QRICH1: variants seen among roughly 807,000 people sequenced by gnomAD.
QRICH1 encodes the protein glutamine rich 1.
In QRICH1, 16 loss-of-function variants were observed where a neutral mutation model predicts 87.1. That is an observed-to-expected ratio of 0.18 (90% CI 0.12 to 0.28). QRICH1 has a LOEUF of 0.28. QRICH1 is among the 10% of genes least tolerant of loss of function. The pLI is 1.00. For missense variants in QRICH1, 647 were observed against 951.7 expected (o/e 0.68, Z 4.21); for synonymous variants, 367 against 368.4 (o/e 1.00, Z 0.05).
At chr3:49,048,090 G>A (rs181795111) in intron 3 of QRICH1, among the ~76,000 whole-genome samples, 2 of 151,090 alleles carry the variant, frequency 1.3e-5, no homozygotes, top group Admixed American at 1.3e-4. Context: ...TGCATATTCT[G>A]ATTGAAAAGG....
intron 3 of QRICH1, among the ~76,000 whole-genome samples, chr3:49,053,840 C>T (rs1344168888): frequency 6.6e-6 from 1 of 152,146 alleles, no homozygotes; most frequent in Non-Finnish European, 1.5e-5. Flanking sequence ...TGAAGGAACA[C>T]ATTTTGTCAC....
rs138905211 is a variant in QRICH1, at chr3:49,037,939, G to A, written c.1787-4711C>T. 5.2e-3 allele frequency among the ~76,000 whole-genome samples: 788 copies of A among 151,862 alleles called. 8 individuals carry two copies. The highest frequency in any genetic ancestry group is 0.018 in the African/African-American group (750 of 41,438). On this transcript the variant is annotated intron_variant, in intron 6 of 9. Coordinates refer to ENST00000395443, the MANE Select transcript of QRICH1 (RefSeq NM_198880.3). Reference sequence around the variant, plus strand: ...TGCAGTGAGCCGAGATCAAGCCTCCGTCTCAAGAAAAAACAAAAACAAAAA... The same window carrying A: ...TGCAGTGAGCCGAGATCAAGCCTCCATCTCAAGAAAAAACAAAAACAAAAA...
At chr3:49,054,811 A>G (rs1003774749) in intron 3 of QRICH1, among the ~76,000 whole-genome samples, 3 of 152,060 alleles carry the variant, frequency 2.0e-5, no homozygotes, top group Non-Finnish European at 2.9e-5. Flanking sequence ...CTGAGGCGGG[A>G]GGATTTTATG....
rs543768703 is a variant in QRICH1 at position 49,035,659 on chromosome 3, A to C, written c.1787-2431T>G. ...CAATACAAAAACCTTAAAAAAAAAA[A>C]CAAAAAAAAACAGCTGAGTGCAATG... On this transcript the variant is annotated intron_variant, in intron 6 of 9. Transcript: ENST00000395443. Among the ~76,000 whole-genome samples, 8 of 151,658 alleles carry C rather than the reference A, an allele frequency of 5.3e-5. No individual in the cohort carries two copies. In the South Asian group the frequency reaches 8.4e-4, roughly 16 times the overall value.
At chr3:49,030,932 T>A (rs1451654892) in intron 9 of QRICH1, among the ~76,000 whole-genome samples, 1 of 151,420 alleles carries the variant, frequency 6.6e-6, no homozygotes, top group Non-Finnish European at 1.5e-5. Flanking sequence ...TGTGAGTCTA[T>A]CCTTATCCTA....
chr3:49,048,901 AT>A (rs1408760377), intron 3 of QRICH1, among the ~76,000 whole-genome samples: 130 of 140,052 alleles, frequency 9.3e-4, no homozygotes, highest in African/African-American at 9.3e-4. Context: ...TTCCCATGTG[AT>A]TTTTTTTTTT....
chr3:49,093,865 T>A, intron 1 of QRICH1, 47 bp downstream of exon 1: 1 of 178,406 alleles, frequency 5.6e-6, no homozygotes, highest in Admixed American at 6.6e-5. Context: ...GCCCCCCGTC[T>A]CAGGCCTACA....
intron 1 of QRICH1, among the ~76,000 whole-genome samples, chr3:49,082,615 G>A (rs1030200334): frequency 8.6e-5 from 13 of 151,954 alleles, no homozygotes; most frequent in Admixed American, 2.6e-4. Flanking sequence ...GAAAAAAAAA[G>A]CCGGGCACGG....
Position 49,030,186 on chromosome 3 carries a change from CA to C in QRICH1, c.*265del. On this transcript the variant is annotated 3_prime_UTR_variant, in exon 10 of 10. Coordinates refer to ENST00000395443, the MANE Select transcript of QRICH1 (RefSeq NM_198880.3). ...CCAAGCCCTTTCCCCAGGCCCCAGACAAAAAAGAGTCAGCCAGCAACTTTCT... is the reference window on the plus strand; with the variant it reads ...CCAAGCCCTTTCCCCAGGCCCCAGACAAAAAGAGTCAGCCAGCAACTTTCT... 2 of 509,036 alleles carry C rather than the reference CA, an allele frequency of 3.9e-6. No individual in the cohort carries two copies. The highest frequency in any genetic ancestry group is 3.0e-5 in the South Asian group (1 of 33,294). 31.5% of individuals were successfully genotyped at this position (509,036 alleles called of 1,614,324 possible). A position where few individuals can be genotyped will look rare whatever the true frequency, so the allele number is the denominator to read the frequency against.
At position 49,044,376 on chromosome 3, in the gene QRICH1, A is replaced by G; in HGVS notation, c.1786+14T>C. On this transcript the variant is annotated intron_variant, in intron 6 of 9. Transcript: ENST00000395443. Reference sequence around the variant, plus strand: ...CAGGTAGGAAAGATATCCAAGGACAAGGGAGACTCTTACCAAGTGGAGTGA... The same window carrying G: ...CAGGTAGGAAAGATATCCAAGGACAGGGGAGACTCTTACCAAGTGGAGTGA... 6.4e-7 allele frequency: 1 copy of G among 1,568,424 alleles called. No individual in the cohort carries two copies. Among genetic ancestry groups the G allele is most frequent in the Non-Finnish European group, 8.7e-7 (1 of 1,146,886 alleles).
intron 3 of QRICH1, among the ~76,000 whole-genome samples, chr3:49,050,679 T>C (rs9846123): frequency 0.66 from 99,506 of 150,566 alleles, 33,341 homozygotes; most frequent in East Asian, 0.96. Flanking sequence ...CACTGACTAA[T>C]CCAAGGATCA....
At chr3:49,085,911 A>G (rs2042158873) in intron 1 of QRICH1, among the ~76,000 whole-genome samples, 1 of 152,138 alleles carries the variant, frequency 6.6e-6, no homozygotes, top group Non-Finnish European at 1.5e-5. Flanking sequence ...GAGACAAAAG[A>G]TTCTTAATTA....
intron 1 of QRICH1, among the ~76,000 whole-genome samples, chr3:49,088,741 T>A (rs992170061): frequency 1.3e-5 from 2 of 150,310 alleles, no homozygotes; most frequent in African/African-American, 4.9e-5. Flanking sequence ...TCCTCCTGCC[T>A]CTGCCTCCCG....
intron 1 of QRICH1, among the ~76,000 whole-genome samples, chr3:49,090,640 A>AAAAAAGAG (rs2042257531): frequency 6.6e-6 from 1 of 151,282 alleles, no homozygotes; most frequent in Admixed American, 6.6e-5. Context: ...AAAAAAAAAA[A>AAAAAAGAG]AAAAGAGAAA....
chr3:49,047,276 A>C, intron 3 of QRICH1, 30 bp from the exon 4 acceptor site: 1 of 1,586,004 alleles, frequency 6.3e-7, no homozygotes, highest in Non-Finnish European at 8.6e-7. Flanking sequence ...AAAATGTGTC[A>C]ATATTGTTTT....
At position 49,032,683 on chromosome 3, in the gene QRICH1, C is replaced by G; in HGVS notation, c.1986G>C (p.Lys662Asn). The G allele has an allele frequency of 6.2e-7, 1 of 1,612,678 alleles. No homozygotes were observed. Among genetic ancestry groups the G allele is most frequent in the Non-Finnish European group, 8.5e-7 (1 of 1,179,424 alleles). ...RQTKKNPSNP[K>N]DKSTSIRYLK... ...AGTACCGGATACTCGTGCTTTTATCCTTGGGATTAGAGGGGTTCTTCTTTG... is the reference window on the plus strand; with the variant it reads ...AGTACCGGATACTCGTGCTTTTATCGTTGGGATTAGAGGGGTTCTTCTTTG... The change falls in exon 8 of 10, where the codon AAG becomes AAC. Residue 662 changes from lysine (K) to asparagine (N), a missense_variant. Physicochemically the swap from Lys to Asn is moderately conservative, Grantham distance 94. This residue lies in a region of QRICH1 where 187 missense variants were observed against 309.5 expected (regional missense o/e 0.60). Transcript: ENST00000395443.
intron 5 of QRICH1, among the ~76,000 whole-genome samples, chr3:49,045,326 CAAAAAA>C (rs150401256): frequency 0.011 from 1,153 of 101,846 alleles, 18 homozygotes; most frequent in South Asian, 0.03. Flanking sequence ...TTGTGAATTA[CAAAAAA>C]AAAAAAAAAA....
intron 2 of QRICH1, among the ~76,000 whole-genome samples, chr3:49,065,871 G>C (rs1215890882): frequency 6.6e-6 from 1 of 152,120 alleles, no homozygotes; most frequent in Non-Finnish European, 1.5e-5. Context: ...TTTTATTAGA[G>C]ATGGGGTTTC....
chr3:49,058,540 A>C (rs2093416301), intron 2 of QRICH1, among the ~76,000 whole-genome samples: 1 of 152,068 alleles, frequency 6.6e-6, no homozygotes, highest in East Asian at 1.9e-4. Context: ...TGGCCAAGCT[A>C]ATCTTGAACT....
Sources: gnomAD v4.1 joint callset for allele counts (sites outside exome capture counted in the v4.1 genomes callset) on GRCh38, gnomAD v4.1.1 for gene constraint, gnomAD v4.1.1 regional missense constraint, MANE v1.5 for transcripts, NCBI Gene and HGNC (gene_info 2026-07-23, HGNC 2026-07-21) for gene names.